The following ABCB4 variants were observed in gnomAD, a reference collection of about 807,000 sequenced individuals.
ABCB4 encodes the protein phosphatidylcholine translocator ABCB4.
ABCB4 carries 76 observed loss-of-function variants against 145.7 expected under a neutral mutation model. The ratio of observed to expected loss-of-function variants is 0.52; its 90% CI spans 0.43 to 0.63. ABCB4 has a LOEUF of 0.63. Among genes scored for constraint, ABCB4 ranks in the 30% least tolerant of loss-of-function variants. ABCB4 has a pLI of 0.00. For missense variants in ABCB4, 1,234 were observed against 1,553.1 expected, an observed-to-expected ratio of 0.79 and a Z score of 3.45; for synonymous variants, 517 against 566.8, an observed-to-expected ratio of 0.91 and a Z score of 1.25.
At chr7:87,421,011 TG>T (rs1483107018) in intron 18 of ABCB4, among the ~76,000 whole-genome samples, 1 of 152,148 alleles carries the variant, frequency 6.6e-6, no homozygotes, top group African/African-American at 2.4e-5. Flanking sequence ...ATGAGTATGC[TG>T]GTTCCTGGTC....
downstream of ABCB4, among the ~76,000 whole-genome samples, chr7:87,400,260 A>G (rs1807723490): frequency 6.6e-6 from 1 of 152,206 alleles, no homozygotes; most frequent in African/African-American, 2.4e-5. Context: ...ACTTTGTAAA[A>G]GAGTGGGCAC....
At chr7:87,407,487 T>C (rs1040238140) in intron 25 of ABCB4, among the ~76,000 whole-genome samples, 2 of 152,218 alleles carry the variant, frequency 1.3e-5, no homozygotes, top group Admixed American at 6.5e-5. Context: ...CCCAAGGTTA[T>C]GGCAGATACA....
At chr7:87,374,515 GTT>G in the ABCB4 span, among the ~76,000 whole-genome samples, 1 of 152,130 alleles carries the variant, frequency 6.6e-6, no homozygotes, top group South Asian at 2.1e-4. Context: ...GAAATTCAGA[GTT>G]TATGCTAGTA....
At chr7:87,427,568 A>G (rs1225203784) in intron 15 of ABCB4, among the ~76,000 whole-genome samples, 2 of 152,138 alleles carry the variant, frequency 1.3e-5, no homozygotes, top group African/African-American at 4.8e-5. Flanking sequence ...CTGGAGTTGG[A>G]CTTTGGACTG....
rs192799398 is a variant in ABCB4, at chr7:87,437,506, T to C, written c.1731+2161A>G. 1.8e-4 allele frequency among the ~76,000 whole-genome samples: 28 copies of C among 152,186 alleles called. No homozygotes were observed. The East Asian group carries it at 4.0e-3, about 22-fold the overall frequency. On this transcript the variant is annotated intron_variant, in intron 14 of 27. Coordinates refer to ENST00000649586, the MANE Select transcript of ABCB4 (RefSeq NM_000443.4). ...TCTTACATAGCAATAGGTAACCAAT[T>C]TAGCAACCAAAAAATAATAATAATA...
chr7:87,411,861 A>G, intron 23 of ABCB4, 32 bp downstream of exon 23: 3 of 1,602,774 alleles, frequency 1.9e-6, no homozygotes, highest in Non-Finnish European at 2.6e-6. Flanking sequence ...ACCTTATTAT[A>G]GAATAATCTT....
chr7:87,465,530 T>C (rs1223014467), intron 3 of ABCB4, among the ~76,000 whole-genome samples: 6 of 152,172 alleles, frequency 3.9e-5, no homozygotes, highest in African/African-American at 1.4e-4. Flanking sequence ...AATGTCCCTG[T>C]CTGACAGGTT....
At chr7:87,403,050 TTGTG>T in intron 27 of ABCB4, 81 bp downstream of exon 27, 1 of 1,398,986 alleles carries the variant, frequency 7.1e-7, no homozygotes, top group East Asian at 2.3e-5. Flanking sequence ...CCCCCTGTGC[TTGTG>T]TGTGTTTTTT....
the ABCB4 span, among the ~76,000 whole-genome samples, chr7:87,380,833 A>G: frequency 6.6e-6 from 1 of 152,178 alleles, no homozygotes; most frequent in Non-Finnish European, 1.5e-5. Flanking sequence ...ATATCTGAAA[A>G]TTCTTTGTAA....
intron 3 of ABCB4, among the ~76,000 whole-genome samples, chr7:87,469,494 T>C (rs550406143): frequency 1.8e-4 from 28 of 152,322 alleles, no homozygotes; most frequent in Middle Eastern, 6.8e-3. Context: ...GCCCAAAGCC[T>C]CCTTAAGCTG....
chr7:87,447,285 T>A, intron 8 of ABCB4, 80 bp from the exon 9 acceptor site: 3 of 1,415,038 alleles, frequency 2.1e-6, no homozygotes, highest in Non-Finnish European at 2.9e-6. Flanking sequence ...TCCTATATAG[T>A]TGGAGGTTTA....
intron 11 of ABCB4, 29 bp from the exon 12 acceptor site, chr7:87,443,473 A>C (rs1425418951): frequency 6.2e-7 from 1 of 1,613,828 alleles, no homozygotes; most frequent in Admixed American, 1.7e-5. Flanking sequence ...AAAAGAACAC[A>C]CTTCACAACA....
chr7:87,388,731 C>A, the ABCB4 span, among the ~76,000 whole-genome samples: 1 of 152,124 alleles, frequency 6.6e-6, no homozygotes, highest in Non-Finnish European at 1.5e-5. Context: ...GACTTCATGA[C>A]TAAAACAACA....
chr7:87,463,555 T>A (rs1482841078), intron 3 of ABCB4, among the ~76,000 whole-genome samples: 3 of 151,998 alleles, frequency 2.0e-5, no homozygotes, highest in African/African-American at 7.3e-5. Flanking sequence ...TAAGAGGGAG[T>A]TCGCTGGAGA....
chr7:87,444,851 A>C lies in ABCB4; in HGVS notation c.1119+11T>G, dbSNP rs923886736. ...AGACTTCTTTTGGCACTAAAATAAT[A>C]AATGACTTACATTATCAATAATATC... On this transcript the variant is annotated intron_variant, in intron 10 of 27. Coordinates refer to ENST00000649586, the MANE Select transcript of ABCB4 (RefSeq NM_000443.4). 8 of 1,590,046 alleles carry C rather than the reference A, an allele frequency of 5.0e-6. No individual in the cohort carries two copies. Among genetic ancestry groups the C allele is most frequent in the Non-Finnish European group, 6.9e-6 (8 of 1,165,424 alleles).
chr7:87,378,520 AT>A, the ABCB4 span, among the ~76,000 whole-genome samples: 7 of 152,130 alleles, frequency 4.6e-5, no homozygotes, highest in Admixed American at 1.3e-4. Context: ...ATCTCTCCCC[AT>A]TTTTTGGTAC....
At chr7:87,455,704 T>C (rs1812057897) in intron 4 of ABCB4, among the ~76,000 whole-genome samples, 1 of 152,234 alleles carries the variant, frequency 6.6e-6, no homozygotes, top group Non-Finnish European at 1.5e-5. Context: ...CACAGCATTG[T>C]TGAGAAAACA....
chr7:87,385,974 T>C, the ABCB4 span, among the ~76,000 whole-genome samples: 3 of 152,226 alleles, frequency 2.0e-5, no homozygotes, highest in African/African-American at 7.2e-5. Context: ...TGATGTGATA[T>C]ATCATGCTTA....
chr7:87,470,551 G>C (rs866896907), intron 3 of ABCB4, among the ~76,000 whole-genome samples: 30 of 152,270 alleles, frequency 2.0e-4, no homozygotes, highest in African/African-American at 7.0e-4. Context: ...CCAACAAGTG[G>C]GTGAAGGATA....
Sources: allele counts gnomAD v4.1 joint callset (sites outside exome capture counted in the v4.1 genomes callset), GRCh38; gene constraint gnomAD v4.1.1; transcripts MANE v1.5; gene names NCBI Gene and HGNC (gene_info 2026-07-23, HGNC 2026-07-21).